The following KIF15 variants were observed in gnomAD, a reference collection of about 807,000 sequenced individuals.
KIF15 encodes kinesin family member 15.
In KIF15, 140 loss-of-function variants were observed where a neutral mutation model predicts 190.6. That is an observed-to-expected ratio of 0.73 (90% CI 0.64 to 0.84). The LOEUF (loss-of-function observed/expected upper bound fraction) is 0.84. Ranked by LOEUF, KIF15 falls within the 40% of genes least tolerant of loss-of-function variation. KIF15 has a pLI of 0.00. For synonymous variants in KIF15, 528 were observed against 551.3 expected (o/e 0.96, Z 0.59); for missense variants, 1,372 against 1,584.4 (o/e 0.87, Z 2.28).
At chr3:44,866,027 T>G (rs925456996) in intron 6 of KIF15, among the ~76,000 whole-genome samples, 5 of 152,244 alleles carry the variant, frequency 3.3e-5, no homozygotes, top group Non-Finnish European at 5.9e-5. Context: ...TTGCTTTTCT[T>G]TCTCAGATTC....
chr3:44,842,043 T>C (rs2125716354), intron 29 of KIF15, among the ~76,000 whole-genome samples: 1 of 152,362 alleles, frequency 6.6e-6, no homozygotes, highest in South Asian at 2.1e-4. Flanking sequence ...TTTGTCCGTT[T>C]AATAGCTAAA....
Position 44,852,210 on chromosome 3 carries a change from G to A in KIF15, c.3975G>A (p.Glu1325=), listed in dbSNP as rs1257633240. Residue 1325 remains glutamate, a splice_region_variant and synonymous_variant, in exon 34 of 35, where the codon GAG becomes GAA. Transcript: ENST00000326047. ...MYEERERTSQ[E]MEMLRKQVEC... is the part of the protein sequence containing the mutation. ...CTCCTTGGATTGATTACCTGCAGGA[G>A]ATGGAAATGTTAAGGAAGCAGGTGG... 2 of 1,611,094 alleles carry A rather than the reference G, an allele frequency of 1.2e-6. No homozygotes were observed. The highest frequency in any genetic ancestry group is 1.1e-5 in the South Asian group (1 of 90,698).
intron 7 of KIF15, among the ~76,000 whole-genome samples, chr3:44,793,095 C>T (rs1706796053): frequency 6.6e-6 from 1 of 152,144 alleles, no homozygotes; most frequent in Admixed American, 6.5e-5. Flanking sequence ...TTAACAACAT[C>T]TGTAGATGAT....
At position 44,868,565 on chromosome 3, in the gene KIF15, CAAG is replaced by C. The variant is rs1034061677; in HGVS notation, c.*60-4760_*60-4758del. Among the ~76,000 whole-genome samples, 29 of 152,202 alleles carry C rather than the reference CAAG, an allele frequency of 1.9e-4. 1 individual carries two copies. The highest frequency in any genetic ancestry group is 6.5e-4 in the African/African-American group (27 of 41,502). On this transcript the variant is annotated intron_variant and NMD_transcript_variant, in intron 6 of 6. Transcript: ENST00000422209. ...GAGGAGAGGTCATTTGAGGACATAGCAAGAAGGAGAGAAGGCAAGCCAGGAAAA... is the reference window on the plus strand; with the variant it reads ...GAGGAGAGGTCATTTGAGGACATAGCAAGGAGAGAAGGCAAGCCAGGAAAA...
chr3:44,791,094 A>G (rs1354925282), intron 7 of KIF15, among the ~76,000 whole-genome samples: 1 of 151,794 alleles, frequency 6.6e-6, no homozygotes, highest in Non-Finnish European at 1.5e-5. Flanking sequence ...TTACTATATG[A>G]TTGTTGATAT....
intron 5 of KIF15, among the ~76,000 whole-genome samples, chr3:44,783,994 T>A (rs189408852): frequency 1.1e-4 from 16 of 152,328 alleles, no homozygotes; most frequent in African/African-American, 3.6e-4. Flanking sequence ...AAATAGAGAC[T>A]CTGCATTTTT....
intron 26 of KIF15, among the ~76,000 whole-genome samples, chr3:44,835,433 G>A (rs1196644443): frequency 6.6e-6 from 1 of 151,866 alleles, no homozygotes; most frequent in East Asian, 1.9e-4. Context: ...GTAGAGATGA[G>A]GTTTCACTAT....
chr3:44,773,654 C>T (rs936718237), intron 1 of KIF15, among the ~76,000 whole-genome samples: 1 of 152,172 alleles, frequency 6.6e-6, no homozygotes. Flanking sequence ...TAGAAGGGGG[C>T]ACAGTTTCCT....
At position 44,852,948 on chromosome 3, in the gene KIF15, A is replaced by C. The variant is rs997367451; in HGVS notation, c.*213A>C. 1 of 387,778 alleles carries C rather than the reference A, an allele frequency of 2.6e-6. No individual in the cohort carries two copies. The highest frequency in any genetic ancestry group is 8.1e-5 in the South Asian group (1 of 12,318). The allele number at this position is 387,778 out of a possible 1,614,324, so 24.0% of individuals were successfully genotyped here. ...TCAGCAGTCTGCTATTAAGTGGCCT[A>C]CTTCAAGGCTTTGAATCAACTTAAG... On this transcript the variant is annotated 3_prime_UTR_variant, in exon 35 of 35. Coordinates refer to ENST00000326047, the MANE Select transcript of KIF15 (RefSeq NM_020242.3).
chr3:44,835,943 G>T (rs1380640078), intron 26 of KIF15, among the ~76,000 whole-genome samples: 1 of 152,180 alleles, frequency 6.6e-6, no homozygotes, highest in Non-Finnish European at 1.5e-5. Context: ...GCATGGTAAT[G>T]CACGCCTGTA....
At chr3:44,862,311 CA>C (rs1479964195) in intron 6 of KIF15, 11 of 195,168 alleles carry the variant, frequency 5.6e-5, no homozygotes, top group Non-Finnish European at 9.4e-5. Context: ...GCTGGGGTGG[CA>C]GAGAGTGTTT....
chr3:44,797,528 G>T (rs2125630016), intron 8 of KIF15, 23 bp from the exon 9 acceptor site: 2 of 1,606,932 alleles, frequency 1.2e-6, no homozygotes, highest in South Asian at 1.1e-5. Flanking sequence ...CTAAATTTTT[G>T]TTCTTTTCCG....
intron 13 of KIF15, 63 bp downstream of exon 13, chr3:44,802,037 G>C: frequency 8.6e-7 from 1 of 1,161,364 alleles, no homozygotes. Context: ...ATCTAAGTTT[G>C]TCAGCAAGTA....
Position 44,843,122 on chromosome 3 carries a change from T to C in KIF15, c.3586-3T>C. ...TTGAAAAGATACGATTTGATGTTAT[T>C]AGGAGCAGTTGCGTGAAATGGAAAA... On this transcript the variant is annotated splice_region_variant and splice_polypyrimidine_tract_variant and intron_variant, in intron 29 of 34. Coordinates refer to ENST00000326047, the MANE Select transcript of KIF15 (RefSeq NM_020242.3). The C allele has an allele frequency of 3.1e-6, 5 of 1,604,512 alleles. No homozygotes were observed. Among genetic ancestry groups the C allele is most frequent in the Non-Finnish European group, 4.3e-6 (5 of 1,173,806 alleles).
At chr3:44,777,861 A>C (rs1352484785) in intron 3 of KIF15, among the ~76,000 whole-genome samples, 1 of 152,240 alleles carries the variant, frequency 6.6e-6, no homozygotes, top group Non-Finnish European at 1.5e-5. Context: ...GTACCAGTAC[A>C]ATATCTACAT....
intron 1 of KIF15, among the ~76,000 whole-genome samples, chr3:44,769,882 A>C (rs1016182869): frequency 6.6e-6 from 1 of 152,220 alleles, no homozygotes; most frequent in East Asian, 1.9e-4. Flanking sequence ...ATTTGGGTGC[A>C]TGGAGCTTGG....
intron 29 of KIF15, among the ~76,000 whole-genome samples, chr3:44,841,653 C>T (rs1698612571): frequency 6.6e-6 from 1 of 152,134 alleles, no homozygotes. Flanking sequence ...CTACCTCAGC[C>T]TCCCAAAGTG....
At chr3:44,854,491 G>A (rs1473540260), downstream of KIF15, among the ~76,000 whole-genome samples, 1 of 152,130 alleles carries the variant, frequency 6.6e-6, no homozygotes, top group East Asian at 1.9e-4. Flanking sequence ...ATCCGTAAGG[G>A]CCAAAAATGA....
intron 3 of KIF15, among the ~76,000 whole-genome samples, chr3:44,775,952 C>T (rs1341322218): frequency 6.6e-6 from 1 of 151,554 alleles, no homozygotes; most frequent in African/African-American, 2.4e-5. Flanking sequence ...TGGTAGTGGG[C>T]ACCTGTAGTC....
Sources: allele counts gnomAD v4.1 joint callset (sites outside exome capture counted in the v4.1 genomes callset), GRCh38; gene constraint gnomAD v4.1.1; transcripts MANE v1.5; gene names NCBI Gene and HGNC (gene_info 2026-07-23, HGNC 2026-07-21).